NEK9: variants seen among roughly 807,000 people sequenced by gnomAD.
The protein encoded by NEK9 is serine/threonine-protein kinase Nek9.
NEK9 carries 75 observed loss-of-function variants against 123.4 expected under a neutral mutation model. The ratio of observed to expected loss-of-function variants is 0.61; its 90% CI spans 0.50 to 0.74. NEK9 has a LOEUF of 0.74. NEK9 is among the 30% of genes least tolerant of loss of function. The pLI is 0.00. For missense variants in NEK9, 952 were observed against 1,214.4 expected (o/e 0.78, Z 3.21); for synonymous variants, 438 against 458.7 (o/e 0.95, Z 0.58).
At chr14:75,106,361 GAAAAAAAAA>G (rs34426692) in intron 12 of NEK9, 132 bp downstream of exon 12, 11 of 300,598 alleles carry the variant, frequency 3.7e-5, no homozygotes, top group South Asian at 1.2e-4. Context: ...TCTGTCTCGA[GAAAAAAAAA>G]AAAAAAAAAA....
intron 6 of NEK9, among the ~76,000 whole-genome samples, chr14:75,115,318 T>A (rs1276777610): frequency 6.6e-6 from 1 of 152,142 alleles, no homozygotes; most frequent in Non-Finnish European, 1.5e-5. Flanking sequence ...GGTTTCACCA[T>A]GTTGGCCAGG....
In NEK9 at chr14:75,124,096, T is replaced by C. The variant is rs1895433282; in HGVS notation, c.347A>G (p.Asn116Ser). ...LQHDNIIAYY[N>S]HFMDNTTLLI... ...CAGCGTGGTATTGTCCATGAAGTGA[T>C]TGTAGTAGGCAATAATGTTGTCGTG... Residue 116 changes from asparagine to serine, a missense_variant, in exon 2 of 22, where the codon AAT (asparagine) becomes AGT (serine). Physicochemically the swap from Asn to Ser is conservative, Grantham distance 46 (BLOSUM62 1). Around this residue, in one of 4 missense-constraint regions of NEK9, gnomAD observed 106 missense variants for 153.0 expected, o/e 0.69. Transcript: ENST00000238616. 5 of 1,614,024 alleles carry C rather than the reference T, an allele frequency of 3.1e-6. No homozygotes were observed. Among genetic ancestry groups the C allele is most frequent in the African/African-American group, 1.3e-5 (1 of 74,946 alleles).
In NEK9 at chr14:75,127,008, C is replaced by A; in HGVS notation, c.-87G>T. 1 of 1,152,418 alleles carries A rather than the reference C, an allele frequency of 8.7e-7. No individual in the cohort carries two copies. Among genetic ancestry groups the A allele is most frequent in the South Asian group, 1.8e-5 (1 of 56,782 alleles). The allele number at this position is 1,152,418 out of a possible 1,614,324, so 71.4% of individuals were successfully genotyped here. A position where few individuals can be genotyped will look rare whatever the true frequency, so the allele number is the denominator to read the frequency against. The stretch of plus-strand genomic sequence containing the variant: ...GTCCCGCTCGCTTCAGATGCCGGCC[C>A]GCGGATCCGTCAGCCCAGCAACCCC... On this transcript the variant is annotated 5_prime_UTR_variant, in exon 1 of 22. Transcript: ENST00000238616.
intron 19 of NEK9, among the ~76,000 whole-genome samples, chr14:75,090,520 G>A (rs1894181341): frequency 6.6e-6 from 1 of 150,982 alleles, no homozygotes; most frequent in South Asian, 2.1e-4. Flanking sequence ...ATAGCCATAT[G>A]TTGTGAGTAA....
chr14:75,086,352 T>C (rs1165679378), intron 21 of NEK9: 7 of 151,174 alleles, frequency 4.6e-5, no homozygotes, highest in Non-Finnish European at 1.0e-4. Flanking sequence ...AGGACATTTT[T>C]GTGGGGGAAA....
chr14:75,115,111 G>GCATATATATACA (rs1246829995), intron 6 of NEK9, among the ~76,000 whole-genome samples: 1 of 15,480 alleles, frequency 6.5e-5, no homozygotes, highest in Non-Finnish European at 1.8e-4. Flanking sequence ...ACACGTGTGT[G>GCATATATATACA]CGTACACACA....
chr14:75,114,093 C>T lies in NEK9; in HGVS notation c.873+110G>A, dbSNP rs1214513604. The T allele has an allele frequency of 4.1e-6, 3 of 723,976 alleles. No homozygotes were observed. The East Asian group carries it at 7.8e-5, about 19-fold the overall frequency. 44.8% of individuals were successfully genotyped at this position (723,976 alleles called of 1,614,324 possible). ...TGGGTATAGCCACAAATACACTCTA[C>T]CCTGGGGAAGTGGATGTGGTTTTGT... On this transcript the variant is annotated intron_variant, in intron 7 of 21. Coordinates refer to ENST00000238616, the MANE Select transcript of NEK9 (RefSeq NM_033116.6).
chr14:75,090,467 T>A (rs1894179078), intron 19 of NEK9, among the ~76,000 whole-genome samples: 1 of 152,134 alleles, frequency 6.6e-6, no homozygotes, highest in Non-Finnish European at 1.5e-5. Flanking sequence ...GTTACATATT[T>A]CCTAAAAGAA....
In NEK9 at chr14:75,083,028, G is replaced by T. The variant is rs117807550; in HGVS notation, c.*1536C>A. The T allele has an allele frequency of 5.0e-6, 2 of 398,502 alleles. No homozygotes were observed. The allele number at this position is 398,502 out of a possible 1,614,324, so 24.7% of individuals were successfully genotyped here. On this transcript the variant is annotated 3_prime_UTR_variant, in exon 22 of 22. Coordinates refer to ENST00000238616, the MANE Select transcript of NEK9 (RefSeq NM_033116.6). ...ACAGAGTTGCCTGTCCCGAGCAATG[G>T]GGTTCTCCCCAAGCATCAGCCTTTA... is the stretch of plus-strand genomic sequence containing the variant.
rs1594824721 is a variant in NEK9 at position 75,091,671 on chromosome 14, A to G, written c.2234-193T>C. ...ATGTTTTGTAATTTTGTATAGTTGT[A>G]TTTGTATATCAGGATGCTCATAATG... is the stretch of plus-strand genomic sequence containing the variant. On this transcript the variant is annotated intron_variant, in intron 18 of 21. Coordinates refer to ENST00000238616, the MANE Select transcript of NEK9 (RefSeq NM_033116.6). 5 of 462,824 alleles carry G rather than the reference A, an allele frequency of 1.1e-5. No individual in the cohort carries two copies. The East Asian group carries it at 1.7e-4, about 16-fold the overall frequency. 28.7% of individuals were successfully genotyped at this position (462,824 alleles called of 1,614,324 possible). A position where few individuals can be genotyped will look rare whatever the true frequency, so the allele number is the denominator to read the frequency against.
chr14:75,087,755 G>A (rs1894075249), intron 20 of NEK9, among the ~76,000 whole-genome samples: 1 of 152,248 alleles, frequency 6.6e-6, no homozygotes, highest in African/African-American at 2.4e-5. Context: ...GAAGCTTTCT[G>A]ATGATCCTAG....
chr14:75,106,977 A>T (rs958541740), intron 11 of NEK9, among the ~76,000 whole-genome samples: 3 of 152,138 alleles, frequency 2.0e-5, no homozygotes, highest in Admixed American at 1.3e-4. Flanking sequence ...TTATATAGAT[A>T]AAAAAATAAG....
chr14:75,114,113 T>A (rs1295484604), intron 7 of NEK9, 90 bp downstream of exon 7: 6 of 881,350 alleles, frequency 6.8e-6, no homozygotes, highest in Non-Finnish European at 1.1e-5. Context: ...GTGGATGTGG[T>A]TTTGTATGGT....
intron 16 of NEK9, among the ~76,000 whole-genome samples, chr14:75,099,829 G>A (rs534730836): frequency 4.0e-5 from 6 of 149,988 alleles, no homozygotes; most frequent in South Asian, 2.1e-4. Context: ...ACAATACTGC[G>A]GAAAGAAATA....
At position 75,120,502 on chromosome 14, in the gene NEK9, C is replaced by T. The variant is rs201956496; in HGVS notation, c.524+8G>A. ...AAGAATCCATCCATAATTTTTTTTACTTCTTACCTATGAAGGATTCCAGCT... is the reference window on the plus strand; with the variant it reads ...AAGAATCCATCCATAATTTTTTTTATTTCTTACCTATGAAGGATTCCAGCT... On this transcript the variant is annotated splice_region_variant and intron_variant, in intron 4 of 21. Transcript: ENST00000238616. The T allele has an allele frequency of 6.9e-5, 111 of 1,605,622 alleles. No individual in the cohort carries two copies. In the East Asian group the frequency reaches 2.4e-3, roughly 34 times the overall value.
chr14:75,106,708 A>G lies in NEK9; in HGVS notation c.1328-6T>C, dbSNP rs566021908. On this transcript the variant is annotated splice_polypyrimidine_tract_variant and splice_region_variant and intron_variant, in intron 11 of 21. Coordinates refer to ENST00000238616, the MANE Select transcript of NEK9 (RefSeq NM_033116.6). ...GGCATAGAGCTGACCCTCATCTGCA[A>G]AAGAAAGGAAAACAGAATCCATCAA... The G allele has an allele frequency of 6.2e-7, 1 of 1,603,668 alleles. No homozygotes were observed. The highest frequency in any genetic ancestry group is 1.3e-5 in the African/African-American group (1 of 74,698).
chr14:75,098,263 T>G (rs557977738), intron 16 of NEK9, among the ~76,000 whole-genome samples: 2 of 152,018 alleles, frequency 1.3e-5, no homozygotes, highest in African/African-American at 4.8e-5. Flanking sequence ...AGTTTGATTT[T>G]GAGTATACTA....
At chr14:75,127,056 GC>G (rs1309987904), upstream of NEK9, 3 of 653,074 alleles carry the variant, frequency 4.6e-6, no homozygotes, top group African/African-American at 5.9e-5. Flanking sequence ...GGTGGCTCCT[GC>G]CCCCCGACCC....
At chr14:75,121,019 GA>G in intron 3 of NEK9, 99 bp downstream of exon 3, 2 of 1,011,836 alleles carry the variant, frequency 2.0e-6, no homozygotes, top group Non-Finnish European at 3.1e-6. Context: ...TGAACAAAAG[GA>G]AAAAAACACT....
Sources: gnomAD v4.1 joint callset for allele counts (sites outside exome capture counted in the v4.1 genomes callset) on GRCh38, gnomAD v4.1.1 for gene constraint, gnomAD v4.1.1 regional missense constraint, MANE v1.5 for transcripts, NCBI Gene and HGNC (gene_info 2026-07-23, HGNC 2026-07-21) for gene names.